The following RBM25 variants were observed in gnomAD, a reference collection of about 807,000 sequenced individuals.
RBM25 encodes the protein RNA-binding protein 25.
Under a neutral mutation model 120.7 loss-of-function variants are expected in RBM25, and 19 were observed. The ratio of observed to expected loss-of-function variants is 0.16; its 90% confidence interval spans 0.11 to 0.23. The LOEUF is 0.23. Among genes scored for constraint, RBM25 ranks in the 10% least tolerant of loss-of-function variants. RBM25 has a pLI of 1.00. For missense variants in RBM25, 605 were observed against 1,041.5 expected, an observed-to-expected ratio of 0.58 and a Z score of 5.77; for synonymous variants, 390 against 326.7, an observed-to-expected ratio of 1.19 and a Z score of -2.09.
intron 3 of RBM25, 129 bp from the exon 4 acceptor site, chr14:73,077,240 T>C: frequency 1.4e-6 from 1 of 735,640 alleles, no homozygotes; most frequent in Non-Finnish European, 2.1e-6. Flanking sequence ...GCTTTAGAAG[T>C]ATACAAGCAT....
chr14:73,081,487 A>G lies in RBM25; in HGVS notation c.325-2007A>G, dbSNP rs1055874563. ...CATGTGTTCTGGTTCCTCTAAGTCTACTTTTATCCTTGGATTTTTTTCTGT... is the reference window on the plus strand; with the variant it reads ...CATGTGTTCTGGTTCCTCTAAGTCTGCTTTTATCCTTGGATTTTTTTCTGT... On this transcript the variant is annotated intron_variant, in intron 4 of 18. Coordinates refer to ENST00000261973, the MANE Select transcript of RBM25 (RefSeq NM_021239.3). 2.0e-5 allele frequency among the ~76,000 whole-genome samples: 3 copies of G among 147,458 alleles called. 1 individual carries two copies. The Admixed American group carries it at 2.1e-4, about 10-fold the overall frequency.
At chr14:73,071,495 T>G in intron 1 of RBM25, 132 bp from the exon 2 acceptor site, 3 of 652,222 alleles carry the variant, frequency 4.6e-6, no homozygotes, top group South Asian at 1.8e-5. Context: ...GAAAAGAGGG[T>G]CTTTGCCAAT....
At chr14:73,060,040 T>A (rs891198212) in intron 1 of RBM25, among the ~76,000 whole-genome samples, 93 of 152,226 alleles carry the variant, frequency 6.1e-4, no homozygotes, top group African/African-American at 2.0e-3. Flanking sequence ...TTTTTTGTTT[T>A]GTGTTGTTGT....
At chr14:73,110,745 A>G (rs1896294608) in intron 14 of RBM25, 86 bp from the exon 15 acceptor site, 3 of 1,478,080 alleles carry the variant, frequency 2.0e-6, no homozygotes, top group Admixed American at 4.7e-5. Flanking sequence ...CTTTTCATAA[A>G]GATATTTTAC....
intron 5 of RBM25, among the ~76,000 whole-genome samples, chr14:73,085,054 A>G (rs1231470383): frequency 1.4e-5 from 2 of 147,350 alleles, no homozygotes; most frequent in East Asian, 4.2e-4. Flanking sequence ...GAGTCTTGTT[A>G]TGTTGCCAGG....
chr14:73,071,166 C>G (rs372517537), intron 1 of RBM25, among the ~76,000 whole-genome samples: 2 of 149,908 alleles, frequency 1.3e-5, no homozygotes, highest in African/African-American at 4.9e-5. Flanking sequence ...CGCTTGAACC[C>G]GGGAGGCGGA....
chr14:73,107,614 A>G, intron 12 of RBM25: 2 of 493,230 alleles, frequency 4.1e-6, no homozygotes, highest in Non-Finnish European at 3.5e-6. Flanking sequence ...ATTTATAAAT[A>G]TGGTTTGAAT....
intron 1 of RBM25, among the ~76,000 whole-genome samples, chr14:73,067,484 C>T (rs1048981150): frequency 6.6e-6 from 1 of 152,130 alleles, no homozygotes; most frequent in Non-Finnish European, 1.5e-5. Flanking sequence ...CGGGTCACTG[C>T]AGCCTCCACC....
Position 73,111,626 on chromosome 14 carries a change from G to A in RBM25, c.2116G>A (p.Val706Ile), listed in dbSNP as rs369541790. 39 of 1,613,946 alleles carry A rather than the reference G, an allele frequency of 2.4e-5. No homozygotes were observed. The highest frequency in any genetic ancestry group is 8.9e-5 in the East Asian group (4 of 44,882). The part of the protein sequence containing the change: ...NKFEDEDSDD[V>I]PRKRKLVPLD... ...ATTTGAGGATGAAGACAGTGATGAC[G>A]TACCCCGAAAAAGGAAACTGGTTCC... Residue 706 changes from valine (V) to isoleucine (I), a missense_variant, in exon 16 of 19, where the codon GTA becomes ATA. Physicochemically the swap from Val to Ile is conservative, Grantham distance 29. This residue lies in a region of RBM25 where 465 missense variants were observed against 741.6 expected (regional missense o/e 0.63). Coordinates refer to ENST00000261973, the MANE Select transcript of RBM25 (RefSeq NM_021239.3).
intron 9 of RBM25, chr14:73,102,141 A>C (rs1050422207): frequency 6.6e-6 from 1 of 152,256 alleles, no homozygotes; most frequent in Admixed American, 6.5e-5. Context: ...AGAAAAATGC[A>C]CATTTTATTG....
intron 10 of RBM25, among the ~76,000 whole-genome samples, chr14:73,103,991 C>CTG (rs1896124604): frequency 7.0e-6 from 1 of 142,654 alleles, no homozygotes; most frequent in Non-Finnish European, 1.6e-5. Flanking sequence ...CACACACACA[C>CTG]ACACTCTCTC....
At chr14:73,082,899 A>AAAAT (rs1286340166) in intron 4 of RBM25, among the ~76,000 whole-genome samples, 1 of 145,910 alleles carries the variant, frequency 6.9e-6, no homozygotes, top group Non-Finnish European at 1.5e-5. Flanking sequence ...GTCTCTACTA[A>AAAAT]AAATAAATAA....
Position 73,070,169 on chromosome 14 carries a change from TC to T in RBM25, c.-15-1455del, listed in dbSNP as rs1895248619. On this transcript the variant is annotated intron_variant, in intron 1 of 18. Coordinates refer to ENST00000261973, the MANE Select transcript of RBM25 (RefSeq NM_021239.3). The stretch of plus-strand genomic sequence containing the variant: ...TACAAGTGATTCTCCTGCCTCAGCC[TC>T]CCGAGTAGCTGGGATTACAGGCGCA... 2.0e-5 allele frequency among the ~76,000 whole-genome samples: 3 copies of T among 151,772 alleles called. No individual in the cohort carries two copies. In the South Asian group the frequency reaches 6.2e-4, roughly 32 times the overall value.
chr14:73,067,951 C>A (rs1213178295), intron 1 of RBM25, among the ~76,000 whole-genome samples: 1 of 152,062 alleles, frequency 6.6e-6, no homozygotes, highest in Admixed American at 6.6e-5. Context: ...GATTTTGAAT[C>A]TCTTTGGATA....
At chr14:73,083,426 G>C (rs577012515) in intron 4 of RBM25, 68 bp from the exon 5 acceptor site, 1 of 1,199,520 alleles carries the variant, frequency 8.3e-7, no homozygotes, top group East Asian at 2.9e-5. Context: ...ATATAATTTT[G>C]CTTTTAGTTA....
intron 6 of RBM25, among the ~76,000 whole-genome samples, chr14:73,088,876 C>CA (rs1895747057): frequency 6.6e-6 from 1 of 152,214 alleles, no homozygotes; most frequent in African/African-American, 2.4e-5. Flanking sequence ...CACGGTGGCT[C>CA]ACGCCTGTAA....
intron 18 of RBM25, among the ~76,000 whole-genome samples, chr14:73,117,216 T>C (rs1030895159): frequency 0.018 from 389 of 22,010 alleles, 4 homozygotes; most frequent in African/African-American, 0.057. Flanking sequence ...TTTTCTTTTT[T>C]TTTTTTTTTT....
intron 1 of RBM25, chr14:73,068,191 C>G (rs528246628): frequency 1.2e-6 from 1 of 866,148 alleles, no homozygotes; most frequent in East Asian, 2.7e-5. Flanking sequence ...ATGTGGAAAG[C>G]CTTGTTTTGG....
At chr14:73,064,636 G>A (rs1050947116) in intron 1 of RBM25, among the ~76,000 whole-genome samples, 24 of 151,000 alleles carry the variant, frequency 1.6e-4, no homozygotes, top group African/African-American at 5.6e-4. Flanking sequence ...CTTGTGATCC[G>A]CCCGCCTCAG....
Sources: gnomAD v4.1 joint callset for allele counts (sites outside exome capture counted in the v4.1 genomes callset) on GRCh38, gnomAD v4.1.1 for gene constraint, gnomAD v4.1.1 regional missense constraint, MANE v1.5 for transcripts, NCBI Gene and HGNC (gene_info 2026-07-23, HGNC 2026-07-21) for gene names.